Variants in KCNH5 observed in about 807,000 individuals in gnomAD.
KCNH5 encodes the protein voltage-gated delayed rectifier potassium channel KCNH5.
A neutral mutation model predicts 96.1 loss-of-function variants in KCNH5; 46 were observed. The observed-to-expected ratio is 0.48, with a 90% CI of 0.38 to 0.61. The LOEUF is 0.61. KCNH5 is among the 20% of genes least tolerant of loss of function. The pLI, the probability that KCNH5 is intolerant of heterozygous loss-of-function variation, is 0.00. For missense variants in KCNH5, 907 were observed against 1,225.8 expected (o/e 0.74, Z 3.88); for synonymous variants, 439 against 449.8 (o/e 0.98, Z 0.30).
intron 7 of KCNH5, among the ~76,000 whole-genome samples, chr14:62,873,951 T>C (rs1185591704): frequency 6.6e-6 from 1 of 152,154 alleles, no homozygotes; most frequent in African/African-American, 2.4e-5. Context: ...TGACATCATA[T>C]TTTCGGGGTC....
intron 7 of KCNH5, among the ~76,000 whole-genome samples, chr14:62,868,172 G>A (rs558450951): frequency 4.6e-5 from 7 of 152,310 alleles, no homozygotes; most frequent in South Asian, 2.1e-4. Context: ...GATGTCATGT[G>A]GTAGCTAGTC....
intron 4 of KCNH5, 61 bp from the exon 5 acceptor site, chr14:62,987,248 C>G: frequency 8.6e-7 from 1 of 1,167,112 alleles, no homozygotes; most frequent in East Asian, 2.3e-5. Flanking sequence ...ATCCAACATT[C>G]TTGCTAGCAT....
chr14:62,848,255 G>T (rs1449154343), intron 8 of KCNH5, among the ~76,000 whole-genome samples: 1 of 152,110 alleles, frequency 6.6e-6, no homozygotes, highest in African/African-American at 2.4e-5. Context: ...TGCTTTTGAT[G>T]ACTTAAATTC....
intron 8 of KCNH5, among the ~76,000 whole-genome samples, chr14:62,811,915 T>G (rs1886880367): frequency 6.6e-6 from 1 of 152,102 alleles, no homozygotes; most frequent in Non-Finnish European, 1.5e-5. Context: ...TCCAGATCCA[T>G]CAGCAAAAAC....
In KCNH5 at chr14:62,702,886, A is replaced by G. The variant is rs901128585; in HGVS notation, c.*4622T>C. ...TAAGAGTGTCTGCCCATGTGGAATC[A>G]TATATCTTGAACAGGTCATGATTAT... On this transcript the variant is annotated 3_prime_UTR_variant, in exon 11 of 11. Transcript: ENST00000322893. 1 of 151,958 alleles carries G rather than the reference A, an allele frequency of 6.6e-6. No homozygotes were observed. Among genetic ancestry groups the G allele is most frequent in the Non-Finnish European group, 1.5e-5 (1 of 67,854 alleles). The allele number at this position is 151,958 out of a possible 1,614,324, so 9.4% of individuals were successfully genotyped here. A position where few individuals can be genotyped will look rare whatever the true frequency, so the allele number is the denominator to read the frequency against.
intron 7 of KCNH5, among the ~76,000 whole-genome samples, chr14:62,918,866 A>T (rs186331164): frequency 3.8e-4 from 58 of 152,252 alleles, no homozygotes; most frequent in African/African-American, 1.3e-3. Context: ...ATTTGCTCCC[A>T]AATAGGTAAT....
intron 4 of KCNH5, among the ~76,000 whole-genome samples, chr14:62,988,751 G>C (rs1890756898): frequency 6.6e-6 from 1 of 152,020 alleles, no homozygotes; most frequent in Non-Finnish European, 1.5e-5. Flanking sequence ...CAACATTAAT[G>C]AAAAACCAAC....
intron 1 of KCNH5, among the ~76,000 whole-genome samples, chr14:63,040,346 C>A (rs1303429422): frequency 6.6e-6 from 1 of 152,032 alleles, no homozygotes; most frequent in Non-Finnish European, 1.5e-5. Flanking sequence ...ATAAGCATCC[C>A]TCTATCAGCA....
rs1039045558 is a variant in KCNH5, at chr14:62,981,728, T to C, written c.550-464A>G. On this transcript the variant is annotated intron_variant, in intron 5 of 10. Transcript: ENST00000322893. ...TGGTGATGCTGTTGTTGAGTGATAC[T>C]CAGCAAGGGCCCTGATGGGTGGCAC... is the stretch of plus-strand genomic sequence containing the variant. 2.0e-4 allele frequency among the ~76,000 whole-genome samples: 31 copies of C among 152,200 alleles called. 2 individuals carry two copies.
chr14:62,846,493 A>G (rs959112530), intron 8 of KCNH5, among the ~76,000 whole-genome samples: 1 of 151,924 alleles, frequency 6.6e-6, no homozygotes, highest in East Asian at 1.9e-4. Flanking sequence ...ATTTTCTTCT[A>G]ATAGTTTACA....
chr14:62,764,717 A>G (rs1306989854), intron 10 of KCNH5, among the ~76,000 whole-genome samples: 1 of 152,228 alleles, frequency 6.6e-6, no homozygotes, highest in African/African-American at 2.4e-5. Context: ...ATTTCTATAT[A>G]CCAACAATGT....
chr14:62,925,357 T>C (rs1181513462), intron 7 of KCNH5, among the ~76,000 whole-genome samples: 1 of 152,148 alleles, frequency 6.6e-6, no homozygotes. Context: ...TTAAACCATA[T>C]GGTCTTTCTT....
At chr14:63,017,071 T>G in intron 1 of KCNH5, 117 bp from the exon 2 acceptor site, 1 of 976,718 alleles carries the variant, frequency 1.0e-6, no homozygotes. Context: ...GGTTTGTAAT[T>G]GTACAAATAA....
rs1453687425 is a variant in KCNH5, at chr14:62,828,656, A to G, written c.1569+20997T>C. 1.1e-4 allele frequency among the ~76,000 whole-genome samples: 16 copies of G among 152,004 alleles called. 1 individual carries two copies. Among genetic ancestry groups the G allele is most frequent in the Admixed American group, 1.0e-3 (16 of 15,258 alleles). ...AGGAAACTTCCCCCATGATCAAATC[A>G]CCTCCTACAGGTCCCTCTATAACAT... On this transcript the variant is annotated intron_variant, in intron 8 of 10. Transcript: ENST00000322893.
intron 6 of KCNH5, among the ~76,000 whole-genome samples, chr14:62,961,685 T>C (rs1235049171): frequency 6.6e-6 from 1 of 151,826 alleles, no homozygotes; most frequent in South Asian, 2.1e-4. Context: ...AAAATGGAAA[T>C]GGAGATGGAG....
intron 9 of KCNH5, among the ~76,000 whole-genome samples, chr14:62,792,417 G>A (rs1886454161): frequency 1.3e-5 from 2 of 151,494 alleles, no homozygotes; most frequent in East Asian, 1.9e-4. Flanking sequence ...CTACCTTTAA[G>A]GAGGTAGAAG....
chr14:62,994,902 C>T (rs544620462), intron 4 of KCNH5, among the ~76,000 whole-genome samples: 1 of 152,234 alleles, frequency 6.6e-6, no homozygotes, highest in Admixed American at 6.5e-5. Flanking sequence ...ACACTGGCTT[C>T]CTTCCCTTTC....
intron 10 of KCNH5, among the ~76,000 whole-genome samples, chr14:62,743,879 C>T (rs946771276): frequency 2.0e-5 from 3 of 152,148 alleles, no homozygotes; most frequent in African/African-American, 7.2e-5. Context: ...AAAAAGAAAG[C>T]TCTCTTAGCA....
At chr14:63,043,996 C>A (rs1329593320) in intron 1 of KCNH5, among the ~76,000 whole-genome samples, 1 of 152,036 alleles carries the variant, frequency 6.6e-6, no homozygotes, top group East Asian at 1.9e-4. Flanking sequence ...GTATAAGGCA[C>A]CCAAATAAAT....
Sources: allele counts gnomAD v4.1 joint callset (sites outside exome capture counted in the v4.1 genomes callset), GRCh38; gene constraint gnomAD v4.1.1; transcripts MANE v1.5; gene names NCBI Gene and HGNC (gene_info 2026-07-23, HGNC 2026-07-21).